The following SSBP3 variants were observed in gnomAD, a reference collection of about 807,000 sequenced individuals.
The protein encoded by SSBP3 is single-stranded DNA-binding protein 3.
In SSBP3, 5 loss-of-function variants were observed where a neutral mutation model predicts 69.6. The ratio of observed to expected loss-of-function variants is 0.07; its 90% CI spans 0.04 to 0.15. The LOEUF (loss-of-function observed/expected upper bound fraction) is 0.15. Ranked by LOEUF, SSBP3 falls within the 10% of genes least tolerant of loss-of-function variation. SSBP3 has a pLI of 1.00. For missense variants in SSBP3, 312 were observed against 534.0 expected (o/e 0.58, Z 4.10); for synonymous variants, 196 against 193.4 (o/e 1.01, Z -0.11).
At position 54,258,058 on chromosome 1, in the gene SSBP3, G is replaced by GGTGCGTTT; in HGVS notation, c.447+3_447+10dup. On this transcript the variant is annotated intron_variant, in intron 6 of 17. Coordinates refer to ENST00000610401, the Ensembl canonical transcript of SSBP3. This position sits in a 1 kb window ranked among gnomAD's most constrained non-coding sequence, Gnocchi z 4.5. ...CGTCCCCGGCGGGCGGGAGCGCCAC[G>GGTGCGTTT]GTGCGTTTACCTGACTGTGGGGTCC... 1 of 1,578,924 alleles carries GGTGCGTTT rather than the reference G, an allele frequency of 6.3e-7. No individual in the cohort carries two copies. Among genetic ancestry groups the GGTGCGTTT allele is most frequent in the Non-Finnish European group, 8.6e-7 (1 of 1,164,604 alleles).
In SSBP3 at chr1:54,316,357, A is replaced by G. The variant is rs548499014; in HGVS notation, c.277-34830T>C. ...GACTCTGTCTCAAAAATAAATAAATAGGCCGGGCGCGGTGGCTCACGCCTG... is the reference window on the plus strand; with the variant it reads ...GACTCTGTCTCAAAAATAAATAAATGGGCCGGGCGCGGTGGCTCACGCCTG... On this transcript the variant is annotated intron_variant, in intron 4 of 17. Transcript: ENST00000610401. Among the ~76,000 whole-genome samples, 115 of 129,618 alleles carry G rather than the reference A, an allele frequency of 8.9e-4. 1 individual carries two copies. The highest frequency in any genetic ancestry group is 2.9e-3 in the African/African-American group (99 of 33,774). 85.0% of individuals were successfully genotyped at this position (129,618 alleles called of 152,430 possible).
intron 2 of SSBP3, 34 bp from the exon 3 acceptor site, chr1:54,404,671 G>GC (rs1276694787): frequency 1.2e-6 from 2 of 1,613,304 alleles, no homozygotes; most frequent in Non-Finnish European, 1.7e-6. Flanking sequence ...GCTTAGAGGA[G>GC]CAGAGACGGG....
intron 4 of SSBP3, among the ~76,000 whole-genome samples, chr1:54,282,245 G>A (rs987208243): frequency 8.5e-5 from 13 of 152,326 alleles, no homozygotes; most frequent in African/African-American, 3.1e-4. Context: ...GCTCTTGGCA[G>A]GCCAGTGATT....
At chr1:54,316,681 T>TAA (rs1557525546) in intron 4 of SSBP3, among the ~76,000 whole-genome samples, 18 of 112,802 alleles carry the variant, frequency 1.6e-4, no homozygotes, top group Admixed American at 1.3e-3. Context: ...AATAAATAAA[T>TAA]AAATAAATAA....
intron 5 of SSBP3, among the ~76,000 whole-genome samples, chr1:54,272,380 G>C (rs1044945494): frequency 7.9e-5 from 12 of 151,954 alleles, no homozygotes; most frequent in African/African-American, 1.9e-4. Context: ...TACTCAGGGG[G>C]TCTATCCTGA....
At chr1:54,336,058 T>C (rs990001359) in intron 4 of SSBP3, among the ~76,000 whole-genome samples, 1 of 152,240 alleles carries the variant, frequency 6.6e-6, no homozygotes, top group African/African-American at 2.4e-5. Flanking sequence ...GAGCTTCAGC[T>C]ACTACATCTG....
chr1:54,273,336 G>A (rs1264817991), intron 5 of SSBP3, among the ~76,000 whole-genome samples: 2 of 152,188 alleles, frequency 1.3e-5, no homozygotes, highest in African/African-American at 2.4e-5. Context: ...ACAGGCATGC[G>A]TGCACACAGG....
chr1:54,337,276 G>A (rs923238128), intron 4 of SSBP3, among the ~76,000 whole-genome samples: 6 of 152,078 alleles, frequency 3.9e-5, no homozygotes, highest in African/African-American at 7.2e-5. Flanking sequence ...ACACACTCAG[G>A]TGGCACAGTG....
chr1:54,327,681 G>A (rs1557535120), intron 4 of SSBP3, among the ~76,000 whole-genome samples: 2 of 152,104 alleles, frequency 1.3e-5, no homozygotes, highest in Non-Finnish European at 2.9e-5. Flanking sequence ...ACTTTTCTGA[G>A]TCATAACAAT....
At chr1:54,357,459 T>C (rs536189859) in intron 4 of SSBP3, among the ~76,000 whole-genome samples, 6 of 152,134 alleles carry the variant, frequency 3.9e-5, no homozygotes, top group Non-Finnish European at 8.8e-5. Flanking sequence ...ATAAGGGTGC[T>C]AGCACTATTT....
At chr1:54,390,852 A>G (rs1302988068) in intron 4 of SSBP3, among the ~76,000 whole-genome samples, 2 of 152,180 alleles carry the variant, frequency 1.3e-5, no homozygotes, top group Admixed American at 1.3e-4. Flanking sequence ...GCCAAGAGGA[A>G]GAGCCTCCAG....
intron 4 of SSBP3, among the ~76,000 whole-genome samples, chr1:54,309,341 T>C (rs1218833368): frequency 1.3e-5 from 2 of 152,110 alleles, no homozygotes; most frequent in Non-Finnish European, 2.9e-5. Context: ...TGATACTGAG[T>C]CGGGCCAGCC....
intron 4 of SSBP3, among the ~76,000 whole-genome samples, chr1:54,363,676 A>AAAAAC (rs1229676342): frequency 6.6e-6 from 1 of 152,204 alleles, no homozygotes; most frequent in South Asian, 2.1e-4. Flanking sequence ...AAAGTCCCCC[A>AAAAAC]AAAACAAAAC....
At chr1:54,291,972 A>G (rs1281139897) in intron 4 of SSBP3, among the ~76,000 whole-genome samples, 1 of 152,192 alleles carries the variant, frequency 6.6e-6, no homozygotes, top group Non-Finnish European at 1.5e-5. Context: ...CACCTGCTAG[A>G]TACAGCTGAG....
chr1:54,246,574 G>A (rs948668943), intron 9 of SSBP3, among the ~76,000 whole-genome samples: 1 of 152,214 alleles, frequency 6.6e-6, no homozygotes, highest in Non-Finnish European at 1.5e-5. Flanking sequence ...GCAGCGCTGA[G>A]CTGGGAGGCT....
chr1:54,399,027 A>G (rs984764346), intron 4 of SSBP3, among the ~76,000 whole-genome samples: 7 of 152,190 alleles, frequency 4.6e-5, no homozygotes, highest in Non-Finnish European at 8.8e-5. Flanking sequence ...GTTCGAGAGC[A>G]CCCGCAACAA....
At chr1:54,349,027 AC>A (rs973368390) in intron 4 of SSBP3, among the ~76,000 whole-genome samples, 1 of 152,218 alleles carries the variant, frequency 6.6e-6, no homozygotes, top group Admixed American at 6.5e-5. Context: ...ACAGGTAAGC[AC>A]CTACCCATTA....
intron 4 of SSBP3, among the ~76,000 whole-genome samples, chr1:54,353,383 T>A (rs1315265261): frequency 6.6e-6 from 1 of 152,096 alleles, no homozygotes. Context: ...AATCTTCAGC[T>A]CAACACCCCC....
chr1:54,407,436 C>T (rs7527646), upstream of SSBP3, among the ~76,000 whole-genome samples: 10,893 of 150,250 alleles, frequency 0.072, 787 homozygotes, highest in African/African-American at 0.19. Context: ...CCCAGGTGTA[C>T]AATGGGAAAT....
Sources: gnomAD v4.1 joint callset for allele counts (sites outside exome capture counted in the v4.1 genomes callset) on GRCh38, gnomAD v4.1.1 for gene constraint, Gnocchi (gnomAD v3.1) non-coding constraint, MANE v1.5 for transcripts, NCBI Gene and HGNC (gene_info 2026-07-23, HGNC 2026-07-21) for gene names.